The following NAALADL2 variants were observed in gnomAD, a reference collection of about 807,000 sequenced individuals.
NAALADL2 encodes the protein N-acetylated alpha-linked acidic dipeptidase like 2.
NAALADL2 carries 76 observed loss-of-function variants against 87.2 expected under a neutral mutation model. That is an observed-to-expected ratio of 0.87 (90% CI 0.72 to 1.05). The LOEUF (loss-of-function observed/expected upper bound fraction) is 1.05, where lower values mean the gene tolerates loss of function less well. Ranked by LOEUF, NAALADL2 falls within the 50% of genes least tolerant of loss-of-function variation. The pLI is 0.00. For missense variants in NAALADL2, 1,089 were observed against 945.8 expected (o/e 1.15, Z -1.99); for synonymous variants, 354 against 331.0 (o/e 1.07, Z -0.75).
chr3:174,448,084 A>G (rs1715189784), intron 1 of NAALADL2, among the ~76,000 whole-genome samples: 1 of 152,078 alleles, frequency 6.6e-6, no homozygotes, highest in South Asian at 2.1e-4. Context: ...TGGCATTGAG[A>G]TATGATTTCT....
intron 11 of NAALADL2, among the ~76,000 whole-genome samples, chr3:175,700,543 T>C (rs1160567497): frequency 3.3e-5 from 5 of 152,134 alleles, no homozygotes; most frequent in Admixed American, 3.3e-4. Flanking sequence ...TTGCAATGAA[T>C]ATGTGATTTG....
intron 4 of NAALADL2, among the ~76,000 whole-genome samples, chr3:175,309,679 C>T (rs370327526): frequency 5.9e-5 from 9 of 151,778 alleles, no homozygotes; most frequent in Admixed American, 5.9e-4. Context: ...AACCTAAATT[C>T]TCAATCTGGT....
chr3:175,617,530 A>G (rs1367457716), intron 10 of NAALADL2, among the ~76,000 whole-genome samples: 1 of 152,194 alleles, frequency 6.6e-6, no homozygotes, highest in Non-Finnish European at 1.5e-5. Context: ...TACCAGGTGC[A>G]TCTCAGGGAT....
At chr3:175,777,776 A>C (rs933304805) in intron 13 of NAALADL2, among the ~76,000 whole-genome samples, 7 of 152,062 alleles carry the variant, frequency 4.6e-5, no homozygotes, top group African/African-American at 1.7e-4. Flanking sequence ...CAGACCACAA[A>C]AGTCTTTCAT....
At chr3:175,230,417 A>G (rs1468974433) in intron 2 of NAALADL2, among the ~76,000 whole-genome samples, 3 of 152,098 alleles carry the variant, frequency 2.0e-5, no homozygotes, top group African/African-American at 7.2e-5. Context: ...GACCTAAAAA[A>G]GATTATTCAG....
At chr3:174,697,803 A>G (rs1446552779) in intron 2 of NAALADL2, among the ~76,000 whole-genome samples, 1 of 152,264 alleles carries the variant, frequency 6.6e-6, no homozygotes, top group East Asian at 1.9e-4. Flanking sequence ...AATAAATACC[A>G]ATAAATGGCT....
chr3:175,734,184 G>T (rs1042254563), intron 11 of NAALADL2, among the ~76,000 whole-genome samples: 3 of 152,160 alleles, frequency 2.0e-5, no homozygotes, highest in African/African-American at 7.2e-5. Flanking sequence ...TTTTTGCAGA[G>T]GTTCTCCATG....
At chr3:175,487,035 G>A (rs751752052) in intron 9 of NAALADL2, among the ~76,000 whole-genome samples, 2 of 152,094 alleles carry the variant, frequency 1.3e-5, no homozygotes, top group African/African-American at 2.4e-5. Context: ...GAAGACTTAA[G>A]TCAGATCATT....
intron 1 of NAALADL2, among the ~76,000 whole-genome samples, chr3:174,865,376 G>C (rs1002479345): frequency 2.0e-5 from 3 of 151,932 alleles, no homozygotes; most frequent in Admixed American, 6.6e-5. Flanking sequence ...TTCATTCTGA[G>C]ATCTGATTAA....
At chr3:175,112,616 A>T (rs1031503032) in intron 2 of NAALADL2, 2 of 151,624 alleles carry the variant, frequency 1.3e-5, no homozygotes, top group Non-Finnish European at 3.0e-5. Flanking sequence ...AAACATCCAG[A>T]TGTTACATAG....
At chr3:175,738,554 T>C (rs913574413) in intron 12 of NAALADL2, among the ~76,000 whole-genome samples, 7 of 152,148 alleles carry the variant, frequency 4.6e-5, no homozygotes, top group African/African-American at 1.7e-4. Context: ...GCCCCCTTTT[T>C]TTTTCTTTAC....
At position 174,649,102 on chromosome 3, in the gene NAALADL2, T is replaced by C. The variant is rs145604962; in HGVS notation, c.-114-88539T>C. 3.6e-3 allele frequency among the ~76,000 whole-genome samples: 545 copies of C among 152,168 alleles called. 27 individuals carry two copies. In the East Asian group the frequency reaches 0.088, roughly 25 times the overall value. On this transcript the variant is annotated intron_variant, in intron 2 of 3. Coordinates refer to the NAALADL2 transcript ENST00000434257. Reference sequence around the variant, plus strand: ...CCTCAGCCTCCCAAGTAGCTGGGATTACAGGCTCCTGCCACCGAGCCCAGC... The same window carrying C: ...CCTCAGCCTCCCAAGTAGCTGGGATCACAGGCTCCTGCCACCGAGCCCAGC...
rs536009902 is a variant in NAALADL2 at position 175,786,676 on chromosome 3, G to C, written c.2190-16329G>C. ...TCTCGTAGCTCAGAGTAATTTGATC[G>C]TCTGAAGCCTTCTTCTCTCATCTCG... is the stretch of plus-strand genomic sequence containing the variant. On this transcript the variant is annotated intron_variant, in intron 13 of 13. Coordinates refer to ENST00000454872, the MANE Select transcript of NAALADL2 (RefSeq NM_207015.3). Among the ~76,000 whole-genome samples, 78 of 152,118 alleles carry C rather than the reference G, an allele frequency of 5.1e-4. No individual in the cohort carries two copies. In the South Asian group the frequency reaches 0.012, roughly 23 times the overall value.
intron 5 of NAALADL2, among the ~76,000 whole-genome samples, chr3:175,380,158 C>T (rs970170353): frequency 2.6e-5 from 4 of 151,828 alleles, no homozygotes; most frequent in Non-Finnish European, 5.9e-5. Flanking sequence ...ATGTAACAAA[C>T]CTGCATGTTG....
At chr3:175,283,922 C>T (rs1230106835) in intron 4 of NAALADL2, among the ~76,000 whole-genome samples, 1 of 151,872 alleles carries the variant, frequency 6.6e-6, no homozygotes, top group Non-Finnish European at 1.5e-5. Context: ...TCAAGGAAAC[C>T]CATTAAAGAA....
chr3:175,355,340 G>A (rs1322539968), intron 5 of NAALADL2, among the ~76,000 whole-genome samples: 1 of 152,064 alleles, frequency 6.6e-6, no homozygotes, highest in Non-Finnish European at 1.5e-5. Flanking sequence ...AAAGTGCTGT[G>A]ATTACAGGTG....
intron 2 of NAALADL2, among the ~76,000 whole-genome samples, chr3:175,114,090 G>A (rs1341723721): frequency 3.3e-5 from 5 of 151,560 alleles, no homozygotes; most frequent in Non-Finnish European, 1.5e-5. Context: ...TAGGAGTGGA[G>A]GTATCAGAGG....
At chr3:175,052,156 G>A (rs1476729673) in intron 1 of NAALADL2, among the ~76,000 whole-genome samples, 1 of 152,200 alleles carries the variant, frequency 6.6e-6, no homozygotes. Context: ...CTAGTTATCT[G>A]CAGCAGGAGC....
chr3:175,465,237 G>A (rs62285242), intron 7 of NAALADL2, among the ~76,000 whole-genome samples: 16,360 of 144,748 alleles, frequency 0.11, 1,249 homozygotes, highest in African/African-American at 0.22. Context: ...GGGCGACAGA[G>A]CGAGACTCTA....
Sources: allele counts gnomAD v4.1 joint callset (sites outside exome capture counted in the v4.1 genomes callset), GRCh38; gene constraint gnomAD v4.1.1; transcripts MANE v1.5; gene names NCBI Gene and HGNC (gene_info 2026-07-23, HGNC 2026-07-21).